CHN2: variants seen among roughly 807,000 people sequenced by gnomAD.
CHN2 encodes beta-chimaerin.
A neutral mutation model predicts 56.3 loss-of-function variants in CHN2; 35 were observed. The observed-to-expected ratio is 0.62, with a 90% CI of 0.47 to 0.82. The LOEUF (loss-of-function observed/expected upper bound fraction) is 0.82. Among genes scored for constraint, CHN2 ranks in the 40% least tolerant of loss-of-function variants. The pLI is 0.00. For synonymous variants in CHN2, 210 were observed against 212.8 expected, an observed-to-expected ratio of 0.99 and a Z score of 0.12; for missense variants, 491 against 580.5, an observed-to-expected ratio of 0.85 and a Z score of 1.58.
intron 6 of CHN2, among the ~76,000 whole-genome samples, chr7:29,442,881 A>G (rs1021643351): frequency 2.1e-4 from 29 of 140,474 alleles, no homozygotes; most frequent in Admixed American, 1.9e-3. Context: ...TATTTATTCC[A>G]TTTCTATGAT....
At chr7:29,448,998 C>G (rs1171222994) in intron 6 of CHN2, among the ~76,000 whole-genome samples, 2 of 152,162 alleles carry the variant, frequency 1.3e-5, no homozygotes, top group East Asian at 3.8e-4. Flanking sequence ...TTCATCAAAC[C>G]CAGCATTTCT....
chr7:29,255,124 T>C (rs889263532), intron 1 of CHN2, among the ~76,000 whole-genome samples: 3 of 152,062 alleles, frequency 2.0e-5, no homozygotes, highest in African/African-American at 7.2e-5. Context: ...CTGATGGTCA[T>C]AGAGAGGGGC....
rs148266761 is a variant in CHN2, at chr7:29,169,880, G to GTGTGTGTGTGTGTA, written c.274+22921_274+22922insGTGTGTGTGTGTAT. ...TATATACGTGTGTGTGTGTGTGTGT[G>GTGTGTGTGTGTGTA]TATATATATATGTATATACAGGTTG... On this transcript the variant is annotated intron_variant, in intron 2 of 6. Transcript: ENST00000439384. Among the ~76,000 whole-genome samples the GTGTGTGTGTGTGTA allele has an allele frequency of 2.0e-5, 3 of 150,044 alleles. No homozygotes were observed. In the East Asian group the frequency reaches 5.9e-4, roughly 30 times the overall value.
At chr7:29,149,721 CT>C (rs1306781654) in intron 2 of CHN2, among the ~76,000 whole-genome samples, 6 of 152,086 alleles carry the variant, frequency 3.9e-5, no homozygotes, top group African/African-American at 1.4e-4. Context: ...TTCCTCGCTG[CT>C]TCTAGGTTCT....
chr7:29,229,315 T>G (rs1387920357), intron 1 of CHN2, among the ~76,000 whole-genome samples: 1 of 152,180 alleles, frequency 6.6e-6, no homozygotes, highest in African/African-American at 2.4e-5. Flanking sequence ...TGCTTCCTAG[T>G]GCACCAGATT....
chr7:29,328,185 C>T (rs1040929325), intron 1 of CHN2, among the ~76,000 whole-genome samples: 2 of 152,092 alleles, frequency 1.3e-5, no homozygotes, highest in Non-Finnish European at 2.9e-5. Flanking sequence ...ATCTGGAACC[C>T]GAGAAGTCTG....
chr7:29,333,697 C>T (rs993509763), intron 1 of CHN2, among the ~76,000 whole-genome samples: 1 of 152,186 alleles, frequency 6.6e-6, no homozygotes, highest in African/African-American at 2.4e-5. Context: ...CTAGCGCTTT[C>T]CTGGCTGATT....
intron 1 of CHN2, among the ~76,000 whole-genome samples, chr7:29,220,039 C>T (rs1302573863): frequency 2.6e-5 from 4 of 151,700 alleles, no homozygotes; most frequent in Admixed American, 6.6e-5. Flanking sequence ...TGCGCCATTG[C>T]ACCTCAGCCT....
chr7:29,452,250 T>C (rs934675659), intron 6 of CHN2, among the ~76,000 whole-genome samples: 51 of 152,268 alleles, frequency 3.3e-4, no homozygotes, highest in African/African-American at 9.1e-4. Context: ...GCCTTCATTA[T>C]TGCACCTCAG....
intron 1 of CHN2, chr7:29,198,116 G>A: frequency 2.2e-6 from 1 of 449,010 alleles, no homozygotes; most frequent in South Asian, 1.6e-5. Context: ...TTCTGTTCAG[G>A]TAGCAGTGGG....
chr7:29,148,665 G>T (rs17756127), intron 2 of CHN2: 3 of 152,120 alleles, frequency 2.0e-5, no homozygotes, highest in South Asian at 4.1e-4. Context: ...TGACCTTTTT[G>T]GGGTACCCTG....
intron 6 of CHN2, among the ~76,000 whole-genome samples, chr7:29,435,323 A>G (rs370033334): frequency 1.3e-5 from 2 of 152,324 alleles, no homozygotes; most frequent in Non-Finnish European, 1.5e-5. Flanking sequence ...TAGAAATGCA[A>G]ATACTTGGGT....
At chr7:29,498,345 C>T (rs1789525583) in intron 8 of CHN2, among the ~76,000 whole-genome samples, 1 of 152,136 alleles carries the variant, frequency 6.6e-6, no homozygotes, top group Non-Finnish European at 1.5e-5. Flanking sequence ...CTATTTAGCG[C>T]AGTTAGCCAA....
intron 2 of CHN2, among the ~76,000 whole-genome samples, chr7:29,186,757 A>G (rs1261974209): frequency 1.3e-5 from 2 of 152,208 alleles, no homozygotes; most frequent in Non-Finnish European, 2.9e-5. Flanking sequence ...GCAGGCTGAA[A>G]TTTCAAGTAA....
rs371585716 is a variant in CHN2 at position 29,472,182 on chromosome 7, A to AT, written c.577-8096dup. 8.7e-5 allele frequency among the ~76,000 whole-genome samples: 13 copies of AT among 150,276 alleles called. No homozygotes were observed. The East Asian group carries it at 1.6e-3, about 18-fold the overall frequency. ...AAAGGAATAGAGAACCAGCTCCACA[A>AT]TGCCATAGCAAAAAACCAGAGTGGA... is the stretch of plus-strand genomic sequence containing the variant. On this transcript the variant is annotated intron_variant, in intron 6 of 12. Coordinates refer to ENST00000222792, the MANE Select transcript of CHN2 (RefSeq NM_004067.4).
chr7:29,166,538 T>C (rs1795938624), intron 2 of CHN2, among the ~76,000 whole-genome samples: 1 of 152,170 alleles, frequency 6.6e-6, no homozygotes, highest in South Asian at 2.1e-4. Context: ...TTTAATAACT[T>C]TAATAGCTAT....
At position 29,444,600 on chromosome 7, in the gene CHN2, T is replaced by A. The variant is rs576923288; in HGVS notation, c.577-35679T>A. On this transcript the variant is annotated intron_variant, in intron 6 of 12. Transcript: ENST00000222792. Reference sequence around the variant, plus strand: ...CAGTTCAACTTCTCTACAAAATGACTCAAGGCCTCTGCAGGCCTAAGCTCT... The same window carrying A: ...CAGTTCAACTTCTCTACAAAATGACACAAGGCCTCTGCAGGCCTAAGCTCT... Among the ~76,000 whole-genome samples the A allele has an allele frequency of 2.0e-5, 3 of 152,344 alleles. No homozygotes were observed. The South Asian group carries it at 6.2e-4, about 32-fold the overall frequency.
At chr7:29,176,599 T>C (rs1797380253) in intron 2 of CHN2, among the ~76,000 whole-genome samples, 1 of 152,170 alleles carries the variant, frequency 6.6e-6, no homozygotes, top group Admixed American at 6.5e-5. Context: ...AAGACACCCT[T>C]ACAAAGAAGC....
At chr7:29,287,675 T>C (rs1461437414) in intron 1 of CHN2, among the ~76,000 whole-genome samples, 1 of 152,194 alleles carries the variant, frequency 6.6e-6, no homozygotes, top group Non-Finnish European at 1.5e-5. Context: ...AAATTTTCTT[T>C]TGCTGATAGT....
Sources: allele counts gnomAD v4.1 joint callset (sites outside exome capture counted in the v4.1 genomes callset), GRCh38; gene constraint gnomAD v4.1.1; transcripts MANE v1.5; gene names NCBI Gene and HGNC (gene_info 2026-07-23, HGNC 2026-07-21).